The following TUBA1C variants were observed in gnomAD, a reference collection of about 807,000 sequenced individuals.
TUBA1C encodes tubulin alpha 1c.
In TUBA1C, 16 loss-of-function variants were observed where a neutral mutation model predicts 34.9. The ratio of observed to expected loss-of-function variants is 0.46; its 90% confidence interval spans 0.31 to 0.70. The LOEUF (loss-of-function observed/expected upper bound fraction) is 0.70. Among genes scored for constraint, TUBA1C ranks in the 30% least tolerant of loss-of-function variants. The pLI, the probability that TUBA1C is intolerant of heterozygous loss-of-function variation, is 0.05. For synonymous variants in TUBA1C, 177 were observed against 215.9 expected, an observed-to-expected ratio of 0.82 and a Z score of 1.58; for missense variants, 329 against 587.3, an observed-to-expected ratio of 0.56 and a Z score of 4.55.
At chr12:49,255,405 A>ATATATATATATATATATAT (rs1555167050) in intron 1 of TUBA1C, among the ~76,000 whole-genome samples, 1 of 141,314 alleles carries the variant, frequency 7.1e-6, no homozygotes, top group South Asian at 2.3e-4. Context: ...ATCTTTAAAA[A>ATATATATATATATATATAT]ATATATATAT....
At chr12:49,267,986 T>G (rs1942937772) in intron 1 of TUBA1C, among the ~76,000 whole-genome samples, 1 of 152,254 alleles carries the variant, frequency 6.6e-6, no homozygotes, top group Admixed American at 6.5e-5. Context: ...TATTCCCTTA[T>G]TTTACTTAGC....
exon 1 of TUBA1C, chr12:49,227,983 G>C: frequency 6.5e-7 from 1 of 1,535,728 alleles, no homozygotes. Flanking sequence ...GGGTGGAGGA[G>C]CTAGGGAGGG....
At chr12:49,252,440 G>T (rs1405107386) in intron 1 of TUBA1C, among the ~76,000 whole-genome samples, 3 of 152,148 alleles carry the variant, frequency 2.0e-5, no homozygotes, top group African/African-American at 7.2e-5. Context: ...CATAGCAGTA[G>T]GGGCTTGTGG....
chr12:49,262,399 TAAAAAA>T (rs55985243), upstream of TUBA1C, among the ~76,000 whole-genome samples: 2 of 42,070 alleles, frequency 4.8e-5, no homozygotes, highest in Non-Finnish European at 8.3e-5. Flanking sequence ...AGACCCTGTG[TAAAAAA>T]AAAAAAAAAA....
Position 49,269,909 on chromosome 12 carries a change from A to G in TUBA1C, c.308A>G (p.Tyr103Cys). ...GGCAAGGAAGATGCTGCCAATAACT[A>G]TGCCCGAGGGCACTACACCATTGGC... ...ITGKEDAANNYARGHYTIGKE... is the reference protein window; with the variant it reads ...ITGKEDAANNCARGHYTIGKE... Residue 103 changes from tyrosine (Y) to cysteine (C), a missense_variant, in exon 3 of 4, where the codon TAT becomes TGT. Tyr to Cys is a radical substitution (Grantham distance 194). Transcript: ENST00000301072. 2 of 1,614,180 alleles carry G rather than the reference A, an allele frequency of 1.2e-6. No individual in the cohort carries two copies. Among genetic ancestry groups the G allele is most frequent in the Non-Finnish European group, 1.7e-6 (2 of 1,180,050 alleles).
At chr12:49,259,008 C>T (rs1182649734) in intron 1 of TUBA1C, among the ~76,000 whole-genome samples, 1 of 152,096 alleles carries the variant, frequency 6.6e-6, no homozygotes, top group Non-Finnish European at 1.5e-5. Context: ...ATCCACCTGC[C>T]TCGGCCTCCC....
chr12:49,251,497 T>C (rs1269711633), intron 1 of TUBA1C, among the ~76,000 whole-genome samples: 2 of 151,996 alleles, frequency 1.3e-5, no homozygotes, highest in East Asian at 3.9e-4. Flanking sequence ...GATTATAGGC[T>C]GGGCCTGGTG....
rs148055757 is a variant in TUBA1C at position 49,259,446 on chromosome 12, C to A, written c.214-10019C>A. The stretch of plus-strand genomic sequence containing the variant: ...CCATGTAGGCCAGGCTGGTCTCAAA[C>A]GCCTGACCTCAAGTGATCTGCCTGC... On this transcript the variant is annotated intron_variant, in intron 1 of 3. Coordinates refer to the TUBA1C transcript ENST00000541364. Among the ~76,000 whole-genome samples, 1,259 of 152,248 alleles carry A rather than the reference C, an allele frequency of 8.3e-3. 4 individuals are homozygous for A. Among genetic ancestry groups the A allele is most frequent in the Non-Finnish European group, 0.012 (817 of 68,022 alleles).
chr12:49,240,000 G>C (rs1712179150), intron 1 of TUBA1C, among the ~76,000 whole-genome samples: 1 of 150,342 alleles, frequency 6.7e-6, no homozygotes, highest in African/African-American at 2.5e-5. Flanking sequence ...TCAGTTGCTT[G>C]TTTGCTAGGA....
At chr12:49,237,635 C>T (rs1235896838) in intron 1 of TUBA1C, among the ~76,000 whole-genome samples, 1 of 151,360 alleles carries the variant, frequency 6.6e-6, no homozygotes, top group African/African-American at 2.4e-5. Flanking sequence ...GTCCCAGCTA[C>T]TTGGGAGGCC....
At chr12:49,271,451 T>A (rs1348846564) in intron 3 of TUBA1C, among the ~76,000 whole-genome samples, 1 of 152,218 alleles carries the variant, frequency 6.6e-6, no homozygotes, top group Non-Finnish European at 1.5e-5. Flanking sequence ...GGCTTCTTGG[T>A]ACCTAGTGTC....
In TUBA1C at chr12:49,255,694, T is replaced by C. The variant is rs371680927; in HGVS notation, c.214-13771T>C. Among the ~76,000 whole-genome samples, 178 of 152,042 alleles carry C rather than the reference T, an allele frequency of 1.2e-3. 5 individuals are homozygous for C. In the Middle Eastern group the frequency reaches 0.027, roughly 23 times the overall value. On this transcript the variant is annotated intron_variant, in intron 1 of 3. Coordinates refer to the TUBA1C transcript ENST00000541364. ...CATTCTTGTGACTCAGCCTCTGGAG[T>C]AGCTGGGATTACAGGCGTCTGCCAC... is the stretch of plus-strand genomic sequence containing the variant.
chr12:49,265,057 G>T, upstream of TUBA1C: 1 of 1,324,414 alleles, frequency 7.6e-7, no homozygotes. Context: ...GGTATATAAG[G>T]CCCTTCGGGG....
At chr12:49,267,110 AC>A (rs1322416923) in intron 1 of TUBA1C, among the ~76,000 whole-genome samples, 1 of 152,174 alleles carries the variant, frequency 6.6e-6, no homozygotes, top group Non-Finnish European at 1.5e-5. Context: ...ACTTTCTCCC[AC>A]GTGGCCAGGG....
At chr12:49,253,437 G>A (rs1312776877) in intron 1 of TUBA1C, among the ~76,000 whole-genome samples, 1 of 152,032 alleles carries the variant, frequency 6.6e-6, no homozygotes, top group African/African-American at 2.4e-5. Flanking sequence ...AGGTAGAAGG[G>A]TTGTGGGTAC....
intron 1 of TUBA1C, among the ~76,000 whole-genome samples, chr12:49,245,831 G>A (rs528338912): frequency 6.6e-6 from 1 of 152,232 alleles, no homozygotes; most frequent in East Asian, 1.9e-4. Flanking sequence ...TTCTGGCTGG[G>A]GCAAGCATCT....
chr12:49,248,429 C>T (rs1453179898), intron 1 of TUBA1C, among the ~76,000 whole-genome samples: 8 of 146,996 alleles, frequency 5.4e-5, no homozygotes, highest in South Asian at 2.2e-4. Flanking sequence ...ATTAGCTGGG[C>T]GCGGTGGCGG....
chr12:49,242,359 C>T (rs1003885493), intron 1 of TUBA1C, among the ~76,000 whole-genome samples: 9 of 152,204 alleles, frequency 5.9e-5, no homozygotes, highest in African/African-American at 2.2e-4. Flanking sequence ...ACAGATCTAG[C>T]TCCTTCCATT....
chr12:49,230,022 G>C (rs1344613205), intron 1 of TUBA1C, among the ~76,000 whole-genome samples: 1 of 151,464 alleles, frequency 6.6e-6, no homozygotes, highest in Non-Finnish European at 1.5e-5. Flanking sequence ...TCCTGACTTC[G>C]TGATCTGCTT....
Sources: allele counts gnomAD v4.1 joint callset (sites outside exome capture counted in the v4.1 genomes callset), GRCh38; gene constraint gnomAD v4.1.1; transcripts MANE v1.5; gene names NCBI Gene and HGNC (gene_info 2026-07-23, HGNC 2026-07-21).